FAM149A: variants seen among roughly 807,000 people sequenced by gnomAD.
The protein encoded by FAM149A is protein FAM149A.
In FAM149A, 71 loss-of-function variants were observed where a neutral mutation model predicts 78.2. The ratio of observed to expected loss-of-function variants is 0.91; its 90% CI spans 0.75 to 1.11. The LOEUF is 1.11. Ranked by LOEUF, FAM149A falls within the 50% of genes least tolerant of loss-of-function variation. FAM149A has a pLI of 0.00. For synonymous variants in FAM149A, 446 were observed against 410.5 expected (o/e 1.09, Z -1.04); for missense variants, 1,036 against 971.0 (o/e 1.07, Z -0.89).
rs770801384 is a variant in FAM149A, at chr4:186,144,061, G to C, written c.567-5112G>C. The C allele has an allele frequency of 6.6e-6, 1 of 152,126 alleles. No individual in the cohort carries two copies. Among genetic ancestry groups the C allele is most frequent in the Non-Finnish European group, 1.5e-5 (1 of 68,038 alleles). The allele number at this position is 152,126 out of a possible 1,614,324, so 9.4% of individuals were successfully genotyped here. On this transcript the variant is annotated intron_variant, in intron 1 of 13. Coordinates refer to ENST00000389354, the MANE Select transcript of FAM149A (RefSeq NM_001367768.3). The surrounding 1 kb of genome is among the most constrained non-coding windows in gnomAD (Gnocchi z 4.2). ...TGTACCGGCACCCAGTGCACTAACT[G>C]TCATTACTAAAATCCCTGTCGTGGG...
Position 186,105,351 on chromosome 4 carries a change from G to A in FAM149A, c.275G>A (p.Gly92Glu). ...GCCAGCCGCGCCGCGGGAGCAGTGG[G>A]GACCCTGCTCTCTTGGCCCAGTAGC... Residue 92 changes from glycine to glutamate, a missense_variant, in exon 1 of 14, where the codon GGG (glycine) becomes GAG (glutamate). Coordinates refer to ENST00000389354, the MANE Select transcript of FAM149A (RefSeq NM_001367768.3). 1 of 1,179,642 alleles carries A rather than the reference G, an allele frequency of 8.5e-7. No homozygotes were observed. Among genetic ancestry groups the A allele is most frequent in the South Asian group, 1.6e-5 (1 of 63,802 alleles). The allele number at this position is 1,179,642 out of a possible 1,614,324, so 73.1% of individuals were successfully genotyped here.
chr4:186,166,023 T>G (rs1362565442), intron 11 of FAM149A, among the ~76,000 whole-genome samples: 1 of 152,230 alleles, frequency 6.6e-6, no homozygotes, highest in Non-Finnish European at 1.5e-5. Context: ...CTATGTCTAT[T>G]GCAGTGGAGG....
intron 1 of FAM149A, chr4:186,125,882 C>G (rs1245378113): frequency 2.0e-6 from 2 of 985,192 alleles, no homozygotes; most frequent in Non-Finnish European, 2.4e-6. Context: ...TGGAATCACA[C>G]GAACGAGTGT....
At position 186,109,403 on chromosome 4, in the gene FAM149A, G is replaced by A. The variant is rs75381657; in HGVS notation, c.566+3761G>A. The A allele has an allele frequency of 1.3e-3, 1,075 of 855,714 alleles. 13 individuals are homozygous for A. The African/African-American group carries it at 0.019, about 15-fold the overall frequency. The allele number at this position is 855,714 out of a possible 1,614,324, so 53.0% of individuals were successfully genotyped here. ...GCTTGAAGGGCCTGTCAGCATGGCTGGCAGTAAAGTGACTAGAGGGACTTA... is the reference window on the plus strand; with the variant it reads ...GCTTGAAGGGCCTGTCAGCATGGCTAGCAGTAAAGTGACTAGAGGGACTTA... On this transcript the variant is annotated intron_variant, in intron 1 of 13. Transcript: ENST00000389354.
chr4:186,163,147 G>A (rs910333684), intron 9 of FAM149A, among the ~76,000 whole-genome samples, 199 bp downstream of exon 9: 1 of 152,312 alleles, frequency 6.6e-6, no homozygotes. Context: ...TATTTGGTAG[G>A]GAGAGATGGG....
intron 1 of FAM149A, chr4:186,127,164 C>A (rs1176007471): frequency 1.0e-6 from 1 of 981,904 alleles, no homozygotes; most frequent in Non-Finnish European, 1.2e-6. Context: ...AACTGTACAC[C>A]TCTCGCCAAC....
intron 1 of FAM149A, among the ~76,000 whole-genome samples, chr4:186,142,628 C>T (rs573496596): frequency 5.6e-4 from 86 of 152,284 alleles, no homozygotes; most frequent in Non-Finnish European, 1.0e-3. Flanking sequence ...TAAGCTGCCA[C>T]GTAGAAATTC....
In FAM149A at chr4:186,104,838, TG is replaced by T; in HGVS notation, c.-236del. On this transcript the variant is annotated 5_prime_UTR_variant, in exon 1 of 14. Coordinates refer to ENST00000389354, the MANE Select transcript of FAM149A (RefSeq NM_001367768.3). ...TCGGCCCTCGGGGGTCTCACGGCGCTGGGACGAGGCGGGGCTGCTCTCCGCA... is the reference window on the plus strand; with the variant it reads ...TCGGCCCTCGGGGGTCTCACGGCGCTGGACGAGGCGGGGCTGCTCTCCGCA... The T allele has an allele frequency of 3.7e-6, 2 of 540,994 alleles. No homozygotes were observed. The highest frequency in any genetic ancestry group is 4.7e-6 in the Non-Finnish European group (2 of 424,430). The allele number at this position is 540,994 out of a possible 1,614,324, so 33.5% of individuals were successfully genotyped here.
At chr4:186,122,048 C>G (rs1231902824) in intron 1 of FAM149A, among the ~76,000 whole-genome samples, 4 of 152,156 alleles carry the variant, frequency 2.6e-5, no homozygotes, top group Non-Finnish European at 5.9e-5. Flanking sequence ...TACCTGTCTT[C>G]CTTTCACTAG....
At chr4:186,142,005 C>T (rs1464537633) in intron 1 of FAM149A, among the ~76,000 whole-genome samples, 1 of 152,152 alleles carries the variant, frequency 6.6e-6, no homozygotes, top group Admixed American at 6.5e-5. Flanking sequence ...CCCCCTTCCC[C>T]AGCCTTCCCT....
chr4:186,156,101 T>C lies in FAM149A; in HGVS notation c.1331T>C (p.Val444Ala). 8 of 1,613,990 alleles carry C rather than the reference T, an allele frequency of 5.0e-6. No homozygotes were observed. The highest frequency in any genetic ancestry group is 6.8e-6 in the Non-Finnish European group (8 of 1,179,908). The change falls in exon 7 of 14, where the codon GTG becomes GCG. Residue 444 changes from valine (V) to alanine (A), a missense_variant. Transcript: ENST00000389354. Reference sequence around the variant, plus strand: ...CCGCGTGACTGTGTCAAAGATGCCGTGGCAGCAGAAGTGTTTGATCACGTC... The same window carrying C: ...CCGCGTGACTGTGTCAAAGATGCCGCGGCAGCAGAAGTGTTTGATCACGTC...
chr4:186,105,131 T>A lies in FAM149A; in HGVS notation c.55T>A (p.Ser19Thr), dbSNP rs1179519097. The A allele has an allele frequency of 7.8e-7, 1 of 1,280,302 alleles. No individual in the cohort carries two copies. The highest frequency in any genetic ancestry group is 1.2e-5 in the South Asian group (1 of 80,696). The allele number at this position is 1,280,302 out of a possible 1,614,324, so 79.3% of individuals were successfully genotyped here. The stretch of plus-strand genomic sequence containing the variant: ...TCTCTTGGCCAAACTCTTCGAGACC[T>A]CGACGGCGCCCCCCGCAGGCCCCTC... The change falls in exon 1 of 14, where the codon TCG (serine) becomes ACG (threonine). Residue 19 changes from serine (S) to threonine (T), a missense_variant. By Grantham distance (58) the Ser-to-Thr change is moderately conservative. Coordinates refer to ENST00000389354, the MANE Select transcript of FAM149A (RefSeq NM_001367768.3).
intron 3 of FAM149A, 149 bp downstream of exon 3, chr4:186,149,853 C>A: frequency 2.3e-6 from 1 of 444,404 alleles, no homozygotes; most frequent in Non-Finnish European, 3.5e-6. Flanking sequence ...GTACATGTTA[C>A]ATGTGAAAAT....
intron 1 of FAM149A, chr4:186,123,737 G>A (rs2099317033): frequency 1.6e-6 from 1 of 626,056 alleles, no homozygotes; most frequent in Non-Finnish European, 2.0e-6. Context: ...GGATTCTTAT[G>A]TTTCCTCTAA....
intron 1 of FAM149A, chr4:186,127,539 C>T: frequency 3.0e-6 from 3 of 985,440 alleles, no homozygotes; most frequent in Non-Finnish European, 3.6e-6. Flanking sequence ...TTCTGTCTTA[C>T]AGCATCCATC....
Position 186,156,185 on chromosome 4 carries a change from T to G in FAM149A, c.1415T>G (p.Leu472Arg). The change falls in exon 7 of 14, where the codon CTC becomes CGC. Residue 472 changes from leucine (L) to arginine (R), a missense_variant. Physicochemically the swap from Leu to Arg is moderately radical, Grantham distance 102. This residue lies in a region of FAM149A where 716 missense variants were observed against 711.8 expected (regional missense o/e 1.01). Coordinates refer to ENST00000389354, the MANE Select transcript of FAM149A (RefSeq NM_001367768.3). ...ATTAGAAAACACTGGGAAACTACAC[T>G]CACAGGTACTTACATGCAGAATTTA... is the stretch of plus-strand genomic sequence containing the variant. 1.9e-6 allele frequency: 3 copies of G among 1,610,632 alleles called. No individual in the cohort carries two copies. Among genetic ancestry groups the G allele is most frequent in the Non-Finnish European group, 2.5e-6 (3 of 1,178,390 alleles).
rs1579950825 is a variant in FAM149A, at chr4:186,172,718, A to C, written c.*731A>C. 9.0e-6 allele frequency: 1 copy of C among 110,854 alleles called. No individual in the cohort carries two copies. Among genetic ancestry groups the C allele is most frequent in the African/African-American group, 2.8e-5 (1 of 35,264 alleles). The allele number at this position is 110,854 out of a possible 1,614,324, so 6.9% of individuals were successfully genotyped here. A position where few individuals can be genotyped will look rare whatever the true frequency, so the allele number is the denominator to read the frequency against. On this transcript the variant is annotated 3_prime_UTR_variant, in exon 14 of 14. Coordinates refer to ENST00000389354, the MANE Select transcript of FAM149A (RefSeq NM_001367768.3). ...AGTCGAAGCTCCTCCATGGGAGGGGAGCCTCCCACCCTCCACGTGCCATCA... is the reference window on the plus strand; with the variant it reads ...AGTCGAAGCTCCTCCATGGGAGGGGCGCCTCCCACCCTCCACGTGCCATCA...
chr4:186,158,327 A>G, intron 8 of FAM149A: 2 of 1,201,860 alleles, frequency 1.7e-6, no homozygotes, highest in Non-Finnish European at 2.1e-6. Flanking sequence ...GCTCTGTGGA[A>G]CACAGATTCT....
At chr4:186,131,341 C>T (rs12647552) in intron 1 of FAM149A, among the ~76,000 whole-genome samples, 21,871 of 95,334 alleles carry the variant, frequency 0.23, 1,680 homozygotes, top group African/African-American at 0.37. Context: ...GAGCAAGACT[C>T]CAACTCAAAA....
Sources: allele counts gnomAD v4.1 joint callset (sites outside exome capture counted in the v4.1 genomes callset), GRCh38; gene constraint gnomAD v4.1.1; regional missense constraint gnomAD v4.1.1; non-coding constraint Gnocchi (gnomAD v3.1); transcripts MANE v1.5; gene names NCBI Gene and HGNC (gene_info 2026-07-23, HGNC 2026-07-21).